The following CNGA3 variants were observed in gnomAD, a reference collection of about 807,000 sequenced individuals.
The protein encoded by CNGA3 is cyclic nucleotide gated channel subunit alpha 3.
A neutral mutation model predicts 46.6 loss-of-function variants in CNGA3; 42 were observed. The ratio of observed to expected loss-of-function variants is 0.90; its 90% CI spans 0.70 to 1.17. The LOEUF is 1.17. CNGA3 is among the 50% of genes most tolerant of loss of function. The probability of loss-of-function intolerance (pLI) is 0.00; values close to 1 mark genes in which losing one functional copy is unlikely to be tolerated. For synonymous variants in CNGA3, 394 were observed against 369.4 expected (o/e 1.07, Z -0.76); for missense variants, 893 against 890.7 (o/e 1.00, Z -0.03).
At chr2:98,378,549 A>G (rs899637840) in intron 3 of CNGA3, among the ~76,000 whole-genome samples, 1 of 152,234 alleles carries the variant, frequency 6.6e-6, no homozygotes, top group African/African-American at 2.4e-5. Context: ...CACAAAAGAA[A>G]TTCACATATC....
chr2:98,377,633 A>G (rs1692436159), intron 2 of CNGA3, 54 bp from the exon 3 acceptor site: 2 of 1,507,280 alleles, frequency 1.3e-6, no homozygotes, highest in Non-Finnish European at 1.8e-6. Flanking sequence ...GGCTGTGTCC[A>G]GGAGGTAGAT....
chr2:98,365,969 G>A (rs1394948711), intron 1 of CNGA3, among the ~76,000 whole-genome samples: 1 of 152,218 alleles, frequency 6.6e-6, no homozygotes, highest in Admixed American at 6.5e-5. Context: ...ATTTGGAGGA[G>A]AAGAGGCACT....
intron 1 of CNGA3, among the ~76,000 whole-genome samples, chr2:98,359,395 C>T (rs922211446): frequency 4.6e-5 from 7 of 152,212 alleles, no homozygotes; most frequent in South Asian, 2.1e-4. Flanking sequence ...ACCCAGCATG[C>T]AGCTGGTTGC....
Position 98,379,765 on chromosome 2 carries a change from C to CA in CNGA3, c.216-409dup. ...TAAATAACCTTGCTCTCAATGTTGT[C>CA]ATCCTTTGAAACCCACATTGCTTTA... On this transcript the variant is annotated intron_variant, in intron 3 of 7. Transcript: ENST00000272602. 1.3e-5 allele frequency: 3 copies of CA among 225,532 alleles called. No homozygotes were observed. In the Middle Eastern group the frequency reaches 5.5e-3, roughly 416 times the overall value. 14.0% of individuals were successfully genotyped at this position (225,532 alleles called of 1,614,324 possible). A position where few individuals can be genotyped will look rare whatever the true frequency, so the allele number is the denominator to read the frequency against.
intron 2 of CNGA3, among the ~76,000 whole-genome samples, chr2:98,373,145 G>A (rs1692325079): frequency 6.6e-6 from 1 of 152,116 alleles, no homozygotes; most frequent in Non-Finnish European, 1.5e-5. Flanking sequence ...ATGGAGGCTG[G>A]GCCCAGCCCC....
intron 3 of CNGA3, among the ~76,000 whole-genome samples, chr2:98,378,966 G>T (rs1692476120): frequency 6.6e-6 from 1 of 152,230 alleles, no homozygotes; most frequent in Admixed American, 6.5e-5. Flanking sequence ...ATGTGACCAT[G>T]AGTTGAAACA....
At position 98,380,206 on chromosome 2, in the gene CNGA3, T is replaced by C. The variant is rs1268673326; in HGVS notation, c.247T>C (p.Trp83Arg). ...LSRLIFLLRR[W>R]AARHVHHQDQ... Reference sequence around the variant, plus strand: ...GCGCCTCATCTTCTTGCTGCGCAGGTGGGCTGCCAGGCATGTGCACCACCA... The same window carrying C: ...GCGCCTCATCTTCTTGCTGCGCAGGCGGGCTGCCAGGCATGTGCACCACCA... The change falls in exon 4 of 8, where the codon TGG (tryptophan) becomes CGG (arginine). Residue 83 changes from tryptophan (W) to arginine (R), a missense_variant. Physicochemically the swap from Trp to Arg is moderately radical, Grantham distance 101 (BLOSUM62 -3). Transcript: ENST00000272602. 8 of 1,614,184 alleles carry C rather than the reference T, an allele frequency of 5.0e-6. No individual in the cohort carries two copies. Among genetic ancestry groups the C allele is most frequent in the Non-Finnish European group, 6.8e-6 (8 of 1,180,044 alleles).
rs185328554 is a variant in CNGA3, at chr2:98,379,706, T to C, written c.216-469T>C. On this transcript the variant is annotated intron_variant, in intron 3 of 7. Coordinates refer to ENST00000272602, the MANE Select transcript of CNGA3 (RefSeq NM_001298.3). ...GGACGCCTGTTCCTTTAAGCCTTGCTGTATCAGATCTCAAGAACTTCTAAA... is the reference window on the plus strand; with the variant it reads ...GGACGCCTGTTCCTTTAAGCCTTGCCGTATCAGATCTCAAGAACTTCTAAA... Among the ~76,000 whole-genome samples, 144 of 152,364 alleles carry C rather than the reference T, an allele frequency of 9.5e-4. 1 individual carries two copies. In the East Asian group the frequency reaches 0.01, roughly 11 times the overall value.
intron 1 of CNGA3, among the ~76,000 whole-genome samples, chr2:98,348,460 G>A (rs1691694130): frequency 6.6e-6 from 1 of 152,226 alleles, no homozygotes; most frequent in Non-Finnish European, 1.5e-5. Flanking sequence ...TAAACAGTTG[G>A]AAGCTACTCA....
intron 2 of CNGA3, among the ~76,000 whole-genome samples, chr2:98,372,254 G>C (rs1692304537): frequency 6.6e-6 from 1 of 152,204 alleles, no homozygotes; most frequent in African/African-American, 2.4e-5. Flanking sequence ...CCTGTATCCT[G>C]TTGAAGCTTG....
At chr2:98,369,155 C>G (rs1445046200) in intron 1 of CNGA3, among the ~76,000 whole-genome samples, 1 of 152,218 alleles carries the variant, frequency 6.6e-6, no homozygotes, top group Admixed American at 6.5e-5. Context: ...TAAATTCCTT[C>G]CCAAGGCTAG....
At chr2:98,381,599 G>A (rs1433047161) in intron 4 of CNGA3, among the ~76,000 whole-genome samples, 1 of 152,194 alleles carries the variant, frequency 6.6e-6, no homozygotes, top group African/African-American at 2.4e-5. Flanking sequence ...GATGGAATAT[G>A]AGAGTTCAAG....
At chr2:98,368,907 G>A (rs958529147) in intron 1 of CNGA3, among the ~76,000 whole-genome samples, 5 of 152,260 alleles carry the variant, frequency 3.3e-5, no homozygotes, top group Middle Eastern at 3.4e-3. Flanking sequence ...GTGGCCATCC[G>A]GTTGTTAGAA....
intron 1 of CNGA3, among the ~76,000 whole-genome samples, chr2:98,361,084 G>T (rs893752886): frequency 6.6e-6 from 1 of 151,792 alleles, no homozygotes; most frequent in African/African-American, 2.4e-5. Context: ...TGTTACATAG[G>T]TAAATGTGTG....
chr2:98,382,555 G>C (rs1692563434), intron 4 of CNGA3, among the ~76,000 whole-genome samples: 2 of 152,220 alleles, frequency 1.3e-5, no homozygotes, highest in Admixed American at 1.3e-4. Flanking sequence ...GTCAGGTGGG[G>C]GTGTCGCCTG....
rs374387162 is a variant in CNGA3, at chr2:98,397,099, G to A, written c.1929G>A (p.Arg643=). ...CCTCCCTGGACACCCTGCAGACCAG[G>A]TTTGCACGCCTCCTGGCTGAGTACA... ...LGSSLDTLQT[R]FARLLAEYNA... The change falls in exon 8 of 8, where the codon AGG becomes AGA. Residue 643 remains arginine (R), a synonymous_variant. Coordinates refer to ENST00000272602, the MANE Select transcript of CNGA3 (RefSeq NM_001298.3). 3 of 1,614,066 alleles carry A rather than the reference G, an allele frequency of 1.9e-6. No homozygotes were observed. The African/African-American group carries it at 4.0e-5, about 22-fold the overall frequency.
At chr2:98,383,665 C>T (rs927262489) in intron 5 of CNGA3, among the ~76,000 whole-genome samples, 18 of 152,168 alleles carry the variant, frequency 1.2e-4, no homozygotes, top group African/African-American at 4.3e-4. Flanking sequence ...CTGATCTCTT[C>T]GCCTCTCATT....
At chr2:98,364,013 T>C (rs1692091056) in intron 1 of CNGA3, among the ~76,000 whole-genome samples, 1 of 152,232 alleles carries the variant, frequency 6.6e-6, no homozygotes, top group Admixed American at 6.5e-5. Context: ...TAGTTAGCTC[T>C]TTATGTTGAA....
chr2:98,351,559 A>C (rs1318925680), intron 1 of CNGA3, among the ~76,000 whole-genome samples: 4 of 152,180 alleles, frequency 2.6e-5, no homozygotes, highest in African/African-American at 9.7e-5. Flanking sequence ...TCTTTTGTAA[A>C]TTACCCATTC....
Sources: allele counts gnomAD v4.1 joint callset (sites outside exome capture counted in the v4.1 genomes callset), GRCh38; gene constraint gnomAD v4.1.1; transcripts MANE v1.5; gene names NCBI Gene and HGNC (gene_info 2026-07-23, HGNC 2026-07-21).